CTNNA3: variants seen among roughly 807,000 people sequenced by gnomAD.
The protein encoded by CTNNA3 is catenin alpha 3, also known as catenin alpha-3.
Under a neutral mutation model 95.7 loss-of-function variants are expected in CTNNA3, and 76 were observed. The ratio of observed to expected loss-of-function variants is 0.79; its 90% CI spans 0.66 to 0.96. The LOEUF is 0.96. Ranked by LOEUF, CTNNA3 falls within the 40% of genes least tolerant of loss-of-function variation. The pLI is 0.00. For synonymous variants in CTNNA3, 431 were observed against 374.4 expected (o/e 1.15, Z -1.74); for missense variants, 1,191 against 1,089.8 (o/e 1.09, Z -1.31).
chr10:66,154,523 T>C (rs1414257494), intron 13 of CTNNA3, among the ~76,000 whole-genome samples: 4 of 151,366 alleles, frequency 2.6e-5, no homozygotes, highest in Non-Finnish European at 5.9e-5. Context: ...GGTGGATTTT[T>C]ACATTAGCTG....
chr10:67,046,555 C>A (rs10509278), intron 7 of CTNNA3, among the ~76,000 whole-genome samples: 8,364 of 152,226 alleles, frequency 0.055, 333 homozygotes, highest in South Asian at 0.19. Context: ...CTGGTCAATA[C>A]CTTTTTCTCA....
At chr10:66,298,247 T>G (rs1268432818) in intron 12 of CTNNA3, among the ~76,000 whole-genome samples, 7 of 152,184 alleles carry the variant, frequency 4.6e-5, no homozygotes, top group Non-Finnish European at 1.0e-4. Flanking sequence ...AACTTTCATT[T>G]TGAACACATA....
chr10:67,193,109 G>C (rs1032210627), intron 6 of CTNNA3, among the ~76,000 whole-genome samples: 6 of 151,932 alleles, frequency 3.9e-5, no homozygotes, highest in African/African-American at 1.4e-4. Flanking sequence ...ACAGATGAGA[G>C]GGTGTGGGAA....
chr10:65,938,339 A>C (rs1435996946), intron 17 of CTNNA3, among the ~76,000 whole-genome samples: 1 of 152,190 alleles, frequency 6.6e-6, no homozygotes, highest in Non-Finnish European at 1.5e-5. Context: ...GATACCAGGG[A>C]AATAACGCAT....
chr10:65,979,374 T>C (rs2078273315), intron 16 of CTNNA3, among the ~76,000 whole-genome samples: 1 of 152,144 alleles, frequency 6.6e-6, no homozygotes, highest in Non-Finnish European at 1.5e-5. Context: ...TCCTATGTAA[T>C]AGACCATAAC....
At chr10:66,664,294 TA>T (rs1846366310) in intron 9 of CTNNA3, among the ~76,000 whole-genome samples, 1 of 152,098 alleles carries the variant, frequency 6.6e-6, no homozygotes, top group Non-Finnish European at 1.5e-5. Flanking sequence ...ATAGTTTTTT[TA>T]AAAAGTGTCA....
At chr10:67,210,384 A>G (rs1264381471) in intron 6 of CTNNA3, among the ~76,000 whole-genome samples, 1 of 152,218 alleles carries the variant, frequency 6.6e-6, no homozygotes, top group Non-Finnish European at 1.5e-5. Context: ...AAAATTCTTT[A>G]CAGAGAAGAA....
intron 10 of CTNNA3, among the ~76,000 whole-genome samples, chr10:66,543,911 GTA>G (rs1198925758): frequency 2.1e-3 from 34 of 16,220 alleles, no homozygotes; most frequent in African/African-American, 3.8e-3. Flanking sequence ...GTGTGTGTGT[GTA>G]TATATATATA....
At chr10:67,518,354 T>G (rs1839882924) in intron 5 of CTNNA3, among the ~76,000 whole-genome samples, 1 of 152,176 alleles carries the variant, frequency 6.6e-6, no homozygotes. Context: ...GATTTAAGTA[T>G]GTAAAATGAA....
rs1416632224 is a variant in CTNNA3 at position 66,986,217 on chromosome 10, G to C, written c.1047+194100C>G. Among the ~76,000 whole-genome samples, 17 of 152,240 alleles carry C rather than the reference G, an allele frequency of 1.1e-4. No individual in the cohort carries two copies. The East Asian group carries it at 3.1e-3, about 28-fold the overall frequency. On this transcript the variant is annotated intron_variant, in intron 7 of 17. Coordinates refer to ENST00000433211, the MANE Select transcript of CTNNA3 (RefSeq NM_013266.4). ...CCAGATTAATTAAAATAGCAAGACT[G>C]CTGGGCATGGTGGCTCGTACCTGTA... is the stretch of plus-strand genomic sequence containing the variant.
At chr10:66,526,734 C>A (rs142698145) in intron 10 of CTNNA3, among the ~76,000 whole-genome samples, 298 of 152,182 alleles carry the variant, frequency 2.0e-3, no homozygotes, top group Non-Finnish European at 3.0e-3. Context: ...TGCTTATTGA[C>A]GAACTGTTTA....
At chr10:66,162,014 T>C (rs1361833196) in intron 13 of CTNNA3, among the ~76,000 whole-genome samples, 1 of 152,144 alleles carries the variant, frequency 6.6e-6, no homozygotes, top group Non-Finnish European at 1.5e-5. Flanking sequence ...CAGAGCATTC[T>C]GCATTTCCGA....
At chr10:67,305,538 A>G (rs1438741614) in intron 5 of CTNNA3, among the ~76,000 whole-genome samples, 1 of 152,138 alleles carries the variant, frequency 6.6e-6, no homozygotes, top group East Asian at 1.9e-4. Flanking sequence ...GAAGAATTTT[A>G]AATCAGGGAG....
intron 7 of CTNNA3, among the ~76,000 whole-genome samples, chr10:66,985,859 C>G (rs570394742): frequency 1.3e-5 from 2 of 152,150 alleles, no homozygotes; most frequent in South Asian, 4.1e-4. Flanking sequence ...TCCCAAGTAA[C>G]TGGGATTACA....
intron 7 of CTNNA3, among the ~76,000 whole-genome samples, chr10:67,034,069 G>C (rs907174023): frequency 6.6e-6 from 1 of 152,114 alleles, no homozygotes; most frequent in Non-Finnish European, 1.5e-5. Context: ...ACCGCGCCCG[G>C]CCTATACTGC....
intron 9 of CTNNA3, among the ~76,000 whole-genome samples, chr10:66,694,994 A>G (rs1847703612): frequency 6.6e-6 from 1 of 152,194 alleles, no homozygotes; most frequent in Non-Finnish European, 1.5e-5. Flanking sequence ...TTTTGAACAG[A>G]GGCAAAGAAA....
chr10:66,487,940 G>T (rs1196956941), intron 11 of CTNNA3, among the ~76,000 whole-genome samples: 2 of 152,136 alleles, frequency 1.3e-5, no homozygotes, highest in Non-Finnish European at 2.9e-5. Flanking sequence ...GAATTAGCAA[G>T]GTAAGTGCCG....
At position 67,272,356 on chromosome 10, in the gene CTNNA3, A is replaced by G. The variant is rs10997603; in HGVS notation, c.580-52486T>C. ...CACTTGAGCCTAGGAGTTCAAGACC[A>G]GCCTGGGCAATATCGAGAAACCTTG... On this transcript the variant is annotated intron_variant, in intron 5 of 17. Coordinates refer to ENST00000433211, the MANE Select transcript of CTNNA3 (RefSeq NM_013266.4). 0.018 allele frequency among the ~76,000 whole-genome samples: 2,784 copies of G among 152,162 alleles called. 232 individuals carry two copies. In the East Asian group the frequency reaches 0.25, roughly 14 times the overall value.
At chr10:66,055,670 T>C (rs182137850) in intron 15 of CTNNA3, among the ~76,000 whole-genome samples, 4 of 152,270 alleles carry the variant, frequency 2.6e-5, no homozygotes, top group African/African-American at 9.6e-5. Context: ...ACGCCTGTAA[T>C]ACCAGCACTT....
Sources: gnomAD v4.1 joint callset for allele counts (sites outside exome capture counted in the v4.1 genomes callset) on GRCh38, gnomAD v4.1.1 for gene constraint, MANE v1.5 for transcripts, NCBI Gene and HGNC (gene_info 2026-07-23, HGNC 2026-07-21) for gene names.